The following IKBKB-DT variants were observed in gnomAD, a reference collection of about 807,000 sequenced individuals.
The protein encoded by IKBKB-DT is IKBKB antisense RNA.
At chr8:42,245,820 A>T (rs1807056285) in intron 3 of IKBKB-DT, among the ~76,000 whole-genome samples, 1 of 152,088 alleles carries the variant, frequency 6.6e-6, no homozygotes, top group Admixed American at 6.6e-5. Context: ...CAGCCATTTC[A>T]CCTCCAGGAA....
chr8:42,264,848 C>T (rs188359629), intron 2 of IKBKB-DT, among the ~76,000 whole-genome samples: 147 of 149,952 alleles, frequency 9.8e-4, no homozygotes, highest in African/African-American at 3.4e-3. Flanking sequence ...TGTGAGCCAC[C>T]ATGCCGGGCC....
intron 3 of IKBKB-DT, among the ~76,000 whole-genome samples, chr8:42,242,849 T>C (rs1440649039): frequency 6.6e-6 from 1 of 152,206 alleles, no homozygotes; most frequent in African/African-American, 2.4e-5. Context: ...ACATGATGGC[T>C]GCAGGACCGG....
intron 3 of IKBKB-DT, among the ~76,000 whole-genome samples, chr8:42,240,223 G>GT (rs61546766): frequency 0.081 from 11,409 of 140,144 alleles, 1,207 homozygotes; most frequent in African/African-American, 0.25. Flanking sequence ...GCCAAATGCT[G>GT]TTTTTTTTTT....
At chr8:42,243,384 G>C (rs1807027164) in intron 3 of IKBKB-DT, among the ~76,000 whole-genome samples, 1 of 152,152 alleles carries the variant, frequency 6.6e-6, no homozygotes, top group African/African-American at 2.4e-5. Flanking sequence ...AAAGTAAGAA[G>C]TGGGGAAAAG....
At chr8:42,245,331 C>T (rs1411586326) in intron 3 of IKBKB-DT, among the ~76,000 whole-genome samples, 1 of 152,012 alleles carries the variant, frequency 6.6e-6, no homozygotes, top group African/African-American at 2.4e-5. Flanking sequence ...AATACCTCAC[C>T]CCCATGTCTC....
intron 3 of IKBKB-DT, among the ~76,000 whole-genome samples, chr8:42,260,668 C>CAAA (rs771731696): frequency 6.7e-5 from 3 of 44,878 alleles, no homozygotes; most frequent in South Asian, 8.1e-4. Context: ...GACTCTGTCT[C>CAAA]AAAAAAAAAA....
chr8:42,250,759 T>C (rs1468944971), intron 3 of IKBKB-DT, among the ~76,000 whole-genome samples: 1 of 152,136 alleles, frequency 6.6e-6, no homozygotes, highest in Non-Finnish European at 1.5e-5. Flanking sequence ...GGTGTGTGTC[T>C]GTAATTCCAG....
chr8:42,251,996 T>C (rs1043756518), intron 3 of IKBKB-DT, among the ~76,000 whole-genome samples: 8 of 152,032 alleles, frequency 5.3e-5, no homozygotes, highest in African/African-American at 1.9e-4. Context: ...GCTGCAGACA[T>C]AGATAAGCAA....
chr8:42,237,211 C>G (rs528521292), intron 3 of IKBKB-DT, among the ~76,000 whole-genome samples: 65 of 152,104 alleles, frequency 4.3e-4, no homozygotes, highest in Middle Eastern at 3.4e-3. Context: ...CTTAGCCTCC[C>G]GAGTAGCTGG....
chr8:42,266,108 C>T (rs1807365590), exon 2 of IKBKB-DT: 1 of 152,254 alleles, frequency 6.6e-6, no homozygotes, highest in Admixed American at 6.5e-5. Flanking sequence ...TCCAACTTTT[C>T]TGGCAGAGGA....
chr8:42,245,940 G>A (rs1011931298), intron 3 of IKBKB-DT, among the ~76,000 whole-genome samples: 2 of 152,184 alleles, frequency 1.3e-5, no homozygotes, highest in African/African-American at 2.4e-5. Context: ...CATAAACAGG[G>A]AAGTGGTTAA....
rs565198659 is a variant in IKBKB-DT at position 42,265,126 on chromosome 8, G to A, written n.1385+489C>T. 6.6e-5 allele frequency among the ~76,000 whole-genome samples: 10 copies of A among 152,302 alleles called. No homozygotes were observed. The South Asian group carries it at 2.1e-3, about 32-fold the overall frequency. ...GATCCACCCCACTCGGCCTCCCAAA[G>A]TGTTGGGATTACAGGCGTGAGCCAT... On this transcript the variant is annotated intron_variant and non_coding_transcript_variant, in intron 2 of 3. Coordinates refer to ENST00000518213, the Ensembl canonical transcript of IKBKB-DT.
At chr8:42,239,939 G>A (rs1037708261) in intron 3 of IKBKB-DT, among the ~76,000 whole-genome samples, 7 of 151,708 alleles carry the variant, frequency 4.6e-5, no homozygotes, top group Non-Finnish European at 5.9e-5. Context: ...GTGCCTGGCC[G>A]TAAAAGGCAA....
At chr8:42,265,968 A>G (rs1196582952) in exon 2 of IKBKB-DT, among the ~76,000 whole-genome samples, 4 of 152,128 alleles carry the variant, frequency 2.6e-5, no homozygotes, top group Non-Finnish European at 5.9e-5. Context: ...CCAGCTCTGC[A>G]TGGAGCCCAA....
intron 3 of IKBKB-DT, among the ~76,000 whole-genome samples, chr8:42,259,992 A>AAAC (rs1257252056): frequency 2.0e-5 from 3 of 151,572 alleles, no homozygotes. Context: ...AAAAAAAAAA[A>AAAC]AACAAAAAAA....
chr8:42,248,094 G>GAA (rs757622392), intron 3 of IKBKB-DT, among the ~76,000 whole-genome samples: 5 of 132,002 alleles, frequency 3.8e-5, no homozygotes, highest in Non-Finnish European at 8.3e-5. Flanking sequence ...CTCCGTCTCG[G>GAA]AAAAAAAAAA....
At chr8:42,252,721 G>A (rs1807144641) in intron 3 of IKBKB-DT, among the ~76,000 whole-genome samples, 1 of 152,196 alleles carries the variant, frequency 6.6e-6, no homozygotes, top group Non-Finnish European at 1.5e-5. Context: ...CTGGGGAAAA[G>A]AAATAGTGCT....
intron 3 of IKBKB-DT, among the ~76,000 whole-genome samples, chr8:42,247,983 C>T (rs943859260): frequency 6.6e-6 from 1 of 151,814 alleles, no homozygotes; most frequent in Admixed American, 6.6e-5. Context: ...ATCCCAGCTA[C>T]TCAGGAGGCT....
chr8:42,235,359 C>A (rs2129897340), intron 3 of IKBKB-DT, among the ~76,000 whole-genome samples: 1 of 152,028 alleles, frequency 6.6e-6, no homozygotes, highest in Non-Finnish European at 1.5e-5. Flanking sequence ...TGTACACCAC[C>A]ACGCCCAGCT....
Sources: allele counts gnomAD v4.1 joint callset (sites outside exome capture counted in the v4.1 genomes callset), GRCh38; gene constraint gnomAD v4.1.1; transcripts MANE v1.5; gene names NCBI Gene and HGNC (gene_info 2026-07-23, HGNC 2026-07-21).